STAG1: variants seen among roughly 807,000 people sequenced by gnomAD.
STAG1 encodes the protein cohesin subunit SA-1.
A neutral mutation model predicts 170.9 loss-of-function variants in STAG1; 26 were observed. The ratio of observed to expected loss-of-function variants is 0.15; its 90% CI spans 0.11 to 0.21. The LOEUF (loss-of-function observed/expected upper bound fraction) is 0.21. Among genes scored for constraint, STAG1 ranks in the 10% least tolerant of loss-of-function variants. STAG1 has a pLI of 1.00. For missense variants in STAG1, 964 were observed against 1,509.5 expected, an observed-to-expected ratio of 0.64 and a Z score of 5.99; for synonymous variants, 514 against 497.7, an observed-to-expected ratio of 1.03 and a Z score of -0.44.
chr3:136,429,717 T>C (rs977975371), intron 16 of STAG1, among the ~76,000 whole-genome samples: 2 of 152,200 alleles, frequency 1.3e-5, no homozygotes, highest in East Asian at 3.8e-4. Flanking sequence ...TGAGTGTACC[T>C]GCCTCTCCTT....
intron 6 of STAG1, among the ~76,000 whole-genome samples, chr3:136,534,155 G>A (rs1269080856): frequency 6.6e-6 from 1 of 152,140 alleles, no homozygotes; most frequent in Non-Finnish European, 1.5e-5. Flanking sequence ...ATACACTGCG[G>A]GATGGACACC....
chr3:136,742,371 AAGTT>A (rs1384711937), intron 1 of STAG1, among the ~76,000 whole-genome samples: 1 of 152,190 alleles, frequency 6.6e-6, no homozygotes, highest in African/African-American at 2.4e-5. Flanking sequence ...AAATGAAACT[AAGTT>A]AGAAATCAGT....
chr3:136,626,190 G>A (rs1940083998), intron 2 of STAG1, among the ~76,000 whole-genome samples: 1 of 152,198 alleles, frequency 6.6e-6, no homozygotes, highest in South Asian at 2.1e-4. Context: ...CACTTTGGGA[G>A]GCCAAGGCCA....
chr3:136,463,919 T>C (rs928069477), intron 13 of STAG1, among the ~76,000 whole-genome samples: 2 of 146,702 alleles, frequency 1.4e-5, no homozygotes, highest in Non-Finnish European at 3.0e-5. Flanking sequence ...ATATAATATA[T>C]ATTTTAAAAT....
At chr3:136,343,286 C>G (rs1936059655) in intron 30 of STAG1, among the ~76,000 whole-genome samples, 1 of 152,186 alleles carries the variant, frequency 6.6e-6, no homozygotes, top group Non-Finnish European at 1.5e-5. Context: ...TACTAGAAAA[C>G]ATTTTAATTA....
rs776519420 is a variant in STAG1 at position 136,422,517 on chromosome 3, A to G, written c.1930T>C (p.Cys644Arg). The change falls in exon 19 of 34, where the codon TGC (cysteine) becomes CGC (arginine). Residue 644 changes from cysteine to arginine, a missense_variant. Cys to Arg is a radical substitution (Grantham distance 180). Coordinates refer to ENST00000383202, the MANE Select transcript of STAG1 (RefSeq NM_005862.3). ...TTCTGGATGGTATATTCTTCACTGC[A>G]TAAGATACTATAGGTTTTACTGCAG... ...EACSKTYSIL[C>R]SEEYTIQNRV... The G allele has an allele frequency of 6.2e-7, 1 of 1,614,100 alleles. No individual in the cohort carries two copies. The highest frequency in any genetic ancestry group is 1.1e-5 in the South Asian group (1 of 91,078).
At chr3:136,459,252 GAAAAA>G (rs1229343043) in intron 13 of STAG1, among the ~76,000 whole-genome samples, 1 of 148,638 alleles carries the variant, frequency 6.7e-6, no homozygotes, top group African/African-American at 2.5e-5. Context: ...GAAAAGAAAA[GAAAAA>G]AAGACAAAGA....
chr3:136,638,094 A>C (rs576780103), intron 1 of STAG1, among the ~76,000 whole-genome samples: 5 of 151,694 alleles, frequency 3.3e-5, no homozygotes, highest in African/African-American at 1.2e-4. Context: ...CTTTTTGTAG[A>C]AACAGGGTCT....
At chr3:136,690,145 T>C (rs1942675603) in intron 1 of STAG1, among the ~76,000 whole-genome samples, 1 of 150,204 alleles carries the variant, frequency 6.7e-6, no homozygotes, top group Admixed American at 6.6e-5. Context: ...ATTCTTTTAA[T>C]AGTCAACACA....
At chr3:136,551,406 C>T (rs986926105) in intron 5 of STAG1, among the ~76,000 whole-genome samples, 2 of 146,176 alleles carry the variant, frequency 1.4e-5, no homozygotes, top group Non-Finnish European at 3.0e-5. Flanking sequence ...GGACTATAGG[C>T]AGGCATCAAT....
chr3:136,425,217 C>A (rs1238117266), intron 16 of STAG1, among the ~76,000 whole-genome samples: 1 of 152,050 alleles, frequency 6.6e-6, no homozygotes, highest in Non-Finnish European at 1.5e-5. Context: ...GTAGTGCATC[C>A]ACCTAATAGA....
chr3:136,378,806 T>C (rs1374396640), intron 22 of STAG1, among the ~76,000 whole-genome samples: 1 of 152,218 alleles, frequency 6.6e-6, no homozygotes, highest in Non-Finnish European at 1.5e-5. Context: ...CTATCTGATA[T>C]AAGAGCTCAT....
chr3:136,509,281 G>A (rs1163191578), intron 7 of STAG1, among the ~76,000 whole-genome samples: 1 of 151,970 alleles, frequency 6.6e-6, no homozygotes, highest in Non-Finnish European at 1.5e-5. Context: ...GACTGGATAG[G>A]AAATGTAGCT....
At chr3:136,442,681 T>C (rs889428364) in intron 15 of STAG1, among the ~76,000 whole-genome samples, 1 of 143,794 alleles carries the variant, frequency 7.0e-6, no homozygotes, top group African/African-American at 2.7e-5. Context: ...AAAAAAAAAT[T>C]CTGGATGTAC....
intron 5 of STAG1, among the ~76,000 whole-genome samples, chr3:136,565,568 C>G (rs932565163): frequency 4.9e-4 from 75 of 152,272 alleles, no homozygotes; most frequent in Non-Finnish European, 3.2e-4. Flanking sequence ...AATCCTCATA[C>G]ATTTCTGGTG....
chr3:136,362,621 AAG>A, intron 26 of STAG1, among the ~76,000 whole-genome samples: 1 of 150,440 alleles, frequency 6.6e-6, no homozygotes, highest in Non-Finnish European at 1.5e-5. Context: ...AAAAAAAAAA[AAG>A]AAAAAAAAAG....
intron 6 of STAG1, among the ~76,000 whole-genome samples, chr3:136,540,840 A>C (rs925968451): frequency 1.3e-5 from 2 of 149,060 alleles, no homozygotes; most frequent in African/African-American, 2.4e-5. Context: ...AAAAAAAAAA[A>C]AAAAAAAAAA....
intron 12 of STAG1, among the ~76,000 whole-genome samples, chr3:136,467,749 A>G (rs2089508399): frequency 6.6e-6 from 1 of 152,182 alleles, no homozygotes; most frequent in Non-Finnish European, 1.5e-5. Flanking sequence ...AATTGACCAC[A>G]TAGTTGGAAG....
At chr3:136,393,403 A>G (rs904216460) in intron 22 of STAG1, among the ~76,000 whole-genome samples, 2 of 152,094 alleles carry the variant, frequency 1.3e-5, no homozygotes, top group African/African-American at 4.8e-5. Context: ...TACTCAGGAG[A>G]GGCTGAGGCA....
Sources: gnomAD v4.1 joint callset for allele counts (sites outside exome capture counted in the v4.1 genomes callset) on GRCh38, gnomAD v4.1.1 for gene constraint, MANE v1.5 for transcripts, NCBI Gene and HGNC (gene_info 2026-07-23, HGNC 2026-07-21) for gene names.